ADAM12: variants seen among roughly 807,000 people sequenced by gnomAD.
ADAM12 encodes the protein ADAM metallopeptidase domain 12, also known as disintegrin and metalloproteinase domain-containing protein 12.
A neutral mutation model predicts 106.4 loss-of-function variants in ADAM12; 70 were observed. The ratio of observed to expected loss-of-function variants is 0.66; its 90% CI spans 0.54 to 0.80. The LOEUF is 0.80. ADAM12 is among the 30% of genes least tolerant of loss of function. The pLI is 0.00. For synonymous variants in ADAM12, 420 were observed against 433.5 expected, an observed-to-expected ratio of 0.97 and a Z score of 0.39; for missense variants, 1,010 against 1,171.9, an observed-to-expected ratio of 0.86 and a Z score of 2.02.
intron 3 of ADAM12, among the ~76,000 whole-genome samples, chr10:126,249,831 T>C (rs1259374919): frequency 6.6e-6 from 1 of 152,226 alleles, no homozygotes; most frequent in Non-Finnish European, 1.5e-5. Flanking sequence ...TCTAGCACTT[T>C]GTTACATGCA....
intron 3 of ADAM12, among the ~76,000 whole-genome samples, chr10:126,165,341 G>A (rs760156153): frequency 4.6e-5 from 7 of 152,254 alleles, no homozygotes; most frequent in Admixed American, 2.6e-4. Context: ...TTAATTTTCC[G>A]TAGTTTTAGT....
chr10:126,049,696 C>A lies in ADAM12; in HGVS notation c.1610-27G>T. On this transcript the variant is annotated intron_variant, in intron 14 of 22. Transcript: ENST00000448723. This position sits in a 1 kb window ranked among gnomAD's most constrained non-coding sequence, Gnocchi z 4.4. Reference sequence around the variant, plus strand: ...TGAAACAGAAGCAGAACTGCATTTTCATCTCCTGCAGGTGATTTTTTTTTT... The same window carrying A: ...TGAAACAGAAGCAGAACTGCATTTTAATCTCCTGCAGGTGATTTTTTTTTT... The A allele has an allele frequency of 6.3e-7, 1 of 1,590,018 alleles. No homozygotes were observed.
intron 21 of ADAM12, among the ~76,000 whole-genome samples, chr10:126,033,311 T>C (rs1367982790): frequency 2.0e-5 from 3 of 152,158 alleles, no homozygotes; most frequent in African/African-American, 7.2e-5. Context: ...ACATAAAAAG[T>C]AGTTCAAGTG....
In ADAM12 at chr10:126,187,738, C is replaced by T. The variant is rs139691933; in HGVS notation, c.261-32433G>A. 7.2e-5 allele frequency among the ~76,000 whole-genome samples: 11 copies of T among 152,320 alleles called. 1 individual carries two copies. The East Asian group carries it at 2.1e-3, about 29-fold the overall frequency. Reference sequence around the variant, plus strand: ...CCAGGTGGGAATATGCAAGGCACAGCACGCTGGCCACAGTGCACAGGTTTT... The same window carrying T: ...CCAGGTGGGAATATGCAAGGCACAGTACGCTGGCCACAGTGCACAGGTTTT... On this transcript the variant is annotated intron_variant, in intron 3 of 22. Transcript: ENST00000448723.
At chr10:126,318,292 A>G (rs961182096) in intron 2 of ADAM12, among the ~76,000 whole-genome samples, 1 of 152,024 alleles carries the variant, frequency 6.6e-6, no homozygotes, top group Admixed American at 6.6e-5. Flanking sequence ...ACTCAAACTC[A>G]CACACTAATG....
chr10:126,217,936 C>T (rs1958018297), intron 3 of ADAM12, among the ~76,000 whole-genome samples: 1 of 150,764 alleles, frequency 6.6e-6, no homozygotes, highest in South Asian at 2.1e-4. Context: ...GATCACGTCA[C>T]TGCACTCCAG....
intron 5 of ADAM12, among the ~76,000 whole-genome samples, chr10:126,128,976 T>G (rs958679618): frequency 1.3e-5 from 2 of 152,142 alleles, no homozygotes; most frequent in Non-Finnish European, 1.5e-5. Context: ...CGCATGTGAG[T>G]GTGAGGACAC....
chr10:126,362,165 G>A (rs1324304794), intron 1 of ADAM12, among the ~76,000 whole-genome samples: 3 of 151,970 alleles, frequency 2.0e-5, no homozygotes, highest in South Asian at 2.1e-4. Flanking sequence ...TACTCCAAAT[G>A]ACCAACAGAT....
chr10:126,313,705 A>G (rs778161304), intron 2 of ADAM12, among the ~76,000 whole-genome samples: 1 of 152,092 alleles, frequency 6.6e-6, no homozygotes. Context: ...CTACACATAT[A>G]TCACTGGTAT....
Position 126,039,448 on chromosome 10 carries a change from G to A in ADAM12, c.2105-19C>T, listed in dbSNP as rs1954121300. 1.9e-6 allele frequency: 3 copies of A among 1,613,548 alleles called. No homozygotes were observed. The highest frequency in any genetic ancestry group is 2.5e-6 in the Non-Finnish European group (3 of 1,179,756). On this transcript the variant is annotated intron_variant, in intron 18 of 22. Coordinates refer to ENST00000448723, the MANE Select transcript of ADAM12 (RefSeq NM_001288973.2). Reference sequence around the variant, plus strand: ...TGGTTATCTGAAACAAAACACATGGGGCTCACAGAAGGAGGCAGTTACAAT... The same window carrying A: ...TGGTTATCTGAAACAAAACACATGGAGCTCACAGAAGGAGGCAGTTACAAT...
At chr10:126,131,104 C>CTTTTTTTTTTT (rs71029289) in intron 5 of ADAM12, among the ~76,000 whole-genome samples, 12 of 100,914 alleles carry the variant, frequency 1.2e-4, no homozygotes, top group African/African-American at 4.2e-4. Context: ...CAGCTGTCTT[C>CTTTTTTTTTTT]TTTTTTTTTT....
At chr10:126,270,073 T>C (rs769047586) in intron 3 of ADAM12, among the ~76,000 whole-genome samples, 3 of 152,186 alleles carry the variant, frequency 2.0e-5, no homozygotes, top group Non-Finnish European at 2.9e-5. Flanking sequence ...AATGTTAAGG[T>C]TGAGAGATTT....
At chr10:126,061,360 AT>A (rs1954752190) in intron 14 of ADAM12, among the ~76,000 whole-genome samples, 1 of 152,192 alleles carries the variant, frequency 6.6e-6, no homozygotes, top group Non-Finnish European at 1.5e-5. Context: ...CACTATCCTT[AT>A]TTTACAGATG....
chr10:126,142,679 A>G (rs1451723399), intron 4 of ADAM12, among the ~76,000 whole-genome samples: 1 of 149,970 alleles, frequency 6.7e-6, no homozygotes, highest in Non-Finnish European at 1.5e-5. Context: ...AAAAGCTATC[A>G]CCTAAAATCC....
rs192080011 is a variant in ADAM12, at chr10:126,122,632, G to T, written c.417-4408C>A. 4.1e-3 allele frequency among the ~76,000 whole-genome samples: 626 copies of T among 152,166 alleles called. 10 individuals carry two copies. The highest frequency in any genetic ancestry group is 0.014 in the African/African-American group (584 of 41,516). On this transcript the variant is annotated intron_variant, in intron 5 of 22. Coordinates refer to ENST00000448723, the MANE Select transcript of ADAM12 (RefSeq NM_001288973.2). Reference sequence around the variant, plus strand: ...AAAAAGTAGCTGGGTGTGGTGGCACGCACCTGTAGTCCCAGCTACTTGGGA... The same window carrying T: ...AAAAAGTAGCTGGGTGTGGTGGCACTCACCTGTAGTCCCAGCTACTTGGGA...
intron 3 of ADAM12, among the ~76,000 whole-genome samples, chr10:126,213,186 A>C (rs1229501968): frequency 2.0e-5 from 3 of 152,240 alleles, no homozygotes; most frequent in Non-Finnish European, 4.4e-5. Flanking sequence ...TCCAAGATCT[A>C]CTAAATATAG....
intron 21 of ADAM12, among the ~76,000 whole-genome samples, chr10:126,035,905 T>C (rs549080732): frequency 7.2e-5 from 11 of 152,314 alleles, no homozygotes; most frequent in South Asian, 2.1e-4. Context: ...GTGGTCTAAC[T>C]ATTCAAATAC....
At chr10:126,119,014 T>C (rs1400931883) in intron 5 of ADAM12, among the ~76,000 whole-genome samples, 3 of 152,250 alleles carry the variant, frequency 2.0e-5, no homozygotes, top group Non-Finnish European at 2.9e-5. Context: ...AAATATTTGA[T>C]GGAATTATAA....
intron 3 of ADAM12, among the ~76,000 whole-genome samples, chr10:126,212,080 C>T (rs889034267): frequency 3.3e-5 from 5 of 152,204 alleles, no homozygotes; most frequent in East Asian, 1.9e-4. Context: ...CACTCCCAGG[C>T]GTGACTGCTG....
Sources: allele counts gnomAD v4.1 joint callset (sites outside exome capture counted in the v4.1 genomes callset), GRCh38; gene constraint gnomAD v4.1.1; non-coding constraint Gnocchi (gnomAD v3.1); transcripts MANE v1.5; gene names NCBI Gene and HGNC (gene_info 2026-07-23, HGNC 2026-07-21).